Variants in SND1 observed in about 807,000 individuals in gnomAD.
SND1 encodes staphylococcal nuclease and tudor domain containing 1.
In SND1, 38 loss-of-function variants were observed where a neutral mutation model predicts 121.7. The ratio of observed to expected loss-of-function variants is 0.31; its 90% CI spans 0.24 to 0.41. The LOEUF is 0.41. Among genes scored for constraint, SND1 ranks in the 10% least tolerant of loss-of-function variants. The pLI is 1.00. For missense variants in SND1, 868 were observed against 1,184.6 expected, an observed-to-expected ratio of 0.73 and a Z score of 3.92; for synonymous variants, 401 against 447.4, an observed-to-expected ratio of 0.90 and a Z score of 1.31.
chr7:127,700,371 GA>G (rs1268055903), intron 4 of SND1, among the ~76,000 whole-genome samples: 1 of 152,196 alleles, frequency 6.6e-6, no homozygotes, highest in Non-Finnish European at 1.5e-5. Flanking sequence ...TCTGGCTTGA[GA>G]AATTGGTAGG....
intron 22 of SND1, among the ~76,000 whole-genome samples, chr7:128,090,278 C>G (rs540959024): frequency 6.6e-6 from 1 of 152,196 alleles, no homozygotes; most frequent in African/African-American, 2.4e-5. Flanking sequence ...CAGGGCTGAT[C>G]GTGACAATCA....
intron 15 of SND1, among the ~76,000 whole-genome samples, chr7:127,973,775 T>C (rs1356499910): frequency 6.6e-6 from 1 of 152,214 alleles, no homozygotes; most frequent in Non-Finnish European, 1.5e-5. Context: ...TACTCCCCCT[T>C]CTCATTCCTT....
chr7:127,724,352 C>T (rs541531138), intron 10 of SND1, among the ~76,000 whole-genome samples: 6 of 152,306 alleles, frequency 3.9e-5, no homozygotes, highest in African/African-American at 1.4e-4. Flanking sequence ...AGTTTCTGAC[C>T]TGGAGAGCAG....
intron 16 of SND1, among the ~76,000 whole-genome samples, chr7:128,042,770 G>A (rs941632170): frequency 2.0e-5 from 3 of 152,228 alleles, no homozygotes; most frequent in African/African-American, 7.2e-5. Context: ...ACCAAGAGGT[G>A]TTCCTGCCTG....
chr7:127,672,765 C>T (rs1795544971), intron 1 of SND1, among the ~76,000 whole-genome samples: 1 of 152,136 alleles, frequency 6.6e-6, no homozygotes. Context: ...CTCAGTCTTT[C>T]CTTGATTTTC....
chr7:127,703,882 G>C (rs984397627), intron 7 of SND1, among the ~76,000 whole-genome samples: 1 of 152,162 alleles, frequency 6.6e-6, no homozygotes, highest in Admixed American at 6.5e-5. Context: ...TTATCTAACT[G>C]TTTGGTCCTA....
rs115174651 is a variant in SND1, at chr7:127,879,464, T to C, written c.1344-8438T>C. Among the ~76,000 whole-genome samples, 629 of 152,240 alleles carry C rather than the reference T, an allele frequency of 4.1e-3. 7 individuals are homozygous for C. Among genetic ancestry groups the C allele is most frequent in the African/African-American group, 0.015 (604 of 41,562 alleles). On this transcript the variant is annotated intron_variant, in intron 12 of 23. Transcript: ENST00000354725. ...TAATCTGAAGAAAATAGTTTTTCAG[T>C]CTTCTGAGCTTTCCACCCTGTTGTT...
At chr7:128,081,707 G>A (rs1026366859) in intron 18 of SND1, among the ~76,000 whole-genome samples, 1 of 152,224 alleles carries the variant, frequency 6.6e-6, no homozygotes, top group Non-Finnish European at 1.5e-5. Context: ...GCCTTCACAT[G>A]AGCCCTGGCT....
At chr7:127,781,098 C>G (rs1485799741) in intron 10 of SND1, among the ~76,000 whole-genome samples, 2 of 152,170 alleles carry the variant, frequency 1.3e-5, no homozygotes, top group South Asian at 2.1e-4. Flanking sequence ...AAGAAAATAA[C>G]TTTCTAAGAA....
intron 15 of SND1, among the ~76,000 whole-genome samples, chr7:127,960,803 T>G (rs139160122): frequency 6.6e-6 from 1 of 152,354 alleles, no homozygotes; most frequent in Non-Finnish European, 1.5e-5. Context: ...TAAGGGATTA[T>G]ATCAGGTGCT....
chr7:127,879,051 G>A (rs559295647), intron 12 of SND1, among the ~76,000 whole-genome samples: 21 of 152,258 alleles, frequency 1.4e-4, no homozygotes, highest in African/African-American at 5.1e-4. Flanking sequence ...GTGACTCCTT[G>A]AAGATGCCAT....
At chr7:127,759,356 A>G (rs1797259325) in intron 10 of SND1, among the ~76,000 whole-genome samples, 1 of 152,136 alleles carries the variant, frequency 6.6e-6, no homozygotes, top group Non-Finnish European at 1.5e-5. Context: ...AGTGAGTTAT[A>G]ATACATTAAT....
At chr7:127,726,758 T>A (rs1287842516) in intron 10 of SND1, among the ~76,000 whole-genome samples, 1 of 152,192 alleles carries the variant, frequency 6.6e-6, no homozygotes, top group Non-Finnish European at 1.5e-5. Flanking sequence ...TGCGGTGCTA[T>A]TGTAGTTGAC....
At chr7:127,862,812 A>G (rs1484854145) in intron 12 of SND1, among the ~76,000 whole-genome samples, 1 of 152,210 alleles carries the variant, frequency 6.6e-6, no homozygotes, top group Admixed American at 6.5e-5. Context: ...CGATATCTTT[A>G]TCAGCTCAGG....
chr7:127,699,172 A>G (rs369406492), intron 4 of SND1, among the ~76,000 whole-genome samples: 1 of 152,208 alleles, frequency 6.6e-6, no homozygotes, highest in African/African-American at 2.4e-5. Flanking sequence ...AGACTAGGCA[A>G]TTCTATTCTT....
intron 10 of SND1, among the ~76,000 whole-genome samples, chr7:127,800,016 T>C (rs1252647758): frequency 6.6e-6 from 1 of 152,234 alleles, no homozygotes; most frequent in Admixed American, 6.5e-5. Flanking sequence ...AATGTGCTAC[T>C]GTATGTGTTA....
intron 1 of SND1, among the ~76,000 whole-genome samples, chr7:127,669,488 A>G (rs981747775): frequency 4.6e-5 from 7 of 152,232 alleles, no homozygotes; most frequent in Non-Finnish European, 2.9e-5. Context: ...TTCAATATTC[A>G]GTTGTCTTCC....
At chr7:127,665,951 G>A (rs950419364) in intron 1 of SND1, among the ~76,000 whole-genome samples, 8 of 152,186 alleles carry the variant, frequency 5.3e-5, no homozygotes, top group Admixed American at 2.6e-4. Context: ...GGACACTCCC[G>A]AGTACCTGGG....
At chr7:128,088,446 C>CTTTTTTTT (rs1047161140) in intron 21 of SND1, among the ~76,000 whole-genome samples, 1 of 80,112 alleles carries the variant, frequency 1.2e-5, no homozygotes, top group Non-Finnish European at 2.3e-5. Flanking sequence ...CCCTATCTCT[C>CTTTTTTTT]TTTTTTTTTT....
Sources: allele counts gnomAD v4.1 joint callset (sites outside exome capture counted in the v4.1 genomes callset), GRCh38; gene constraint gnomAD v4.1.1; transcripts MANE v1.5; gene names NCBI Gene and HGNC (gene_info 2026-07-23, HGNC 2026-07-21).